The following DDX52 variants were observed in gnomAD, a reference collection of about 807,000 sequenced individuals.
The protein encoded by DDX52 is probable ATP-dependent RNA helicase DDX52.
In DDX52, 59 loss-of-function variants were observed where a neutral mutation model predicts 76.1. That is an observed-to-expected ratio of 0.78 (90% CI 0.63 to 0.96). The LOEUF (loss-of-function observed/expected upper bound fraction) is 0.96. Among genes scored for constraint, DDX52 ranks in the 40% least tolerant of loss-of-function variants. The probability of loss-of-function intolerance (pLI) is 0.00; values close to 1 mark genes in which losing one functional copy is unlikely to be tolerated. For missense variants in DDX52, 707 were observed against 703.9 expected (o/e 1.00, Z -0.05); for synonymous variants, 231 against 244.1 (o/e 0.95, Z 0.50).
intron 1 of DDX52, 34 bp from the exon 2 acceptor site, chr17:37,642,342 G>C (rs1259338281): frequency 6.3e-7 from 1 of 1,583,198 alleles, no homozygotes; most frequent in East Asian, 2.3e-5. Flanking sequence ...GAAACCTACT[G>C]ACAGAATACC....
At chr17:37,628,419 A>C in intron 6 of DDX52, 142 bp downstream of exon 6, 5 of 645,368 alleles carry the variant, frequency 7.7e-6, no homozygotes, top group Non-Finnish European at 1.3e-5. Flanking sequence ...TAGAGTGAGA[A>C]GGGGATCGCT....
At chr17:37,636,747 TAAG>T (rs887734048) in intron 2 of DDX52, among the ~76,000 whole-genome samples, 52 of 152,316 alleles carry the variant, frequency 3.4e-4, no homozygotes, top group African/African-American at 1.2e-3. Flanking sequence ...TAACTTGTTT[TAAG>T]AAGGAACAAG....
chr17:37,640,879 G>A (rs2031162205), intron 2 of DDX52, among the ~76,000 whole-genome samples: 1 of 151,940 alleles, frequency 6.6e-6, no homozygotes, highest in African/African-American at 2.4e-5. Context: ...AGCTACTCAG[G>A]AGCCTGAGGC....
In DDX52 at chr17:37,633,392, T is replaced by C. The variant is rs749852037; in HGVS notation, c.313A>G (p.Thr105Ala). The C allele has an allele frequency of 2.5e-6, 4 of 1,582,630 alleles. No individual in the cohort carries two copies. The highest frequency in any genetic ancestry group is 2.3e-5 in the East Asian group (1 of 44,078). Reference sequence around the variant, plus strand: ...TCTACAGATGACATCCACTGTATAGTAGCACCTTCTTCTTGGGAAGCAATT... The same window carrying C: ...TCTACAGATGACATCCACTGTATAGCAGCACCTTCTTCTTGGGAAGCAATT... ...SEIASQEEGA[T>A]IQWMSSVEAK... is the part of the protein sequence containing the mutation. The change falls in exon 3 of 15, where the codon ACT becomes GCT. Residue 105 changes from threonine (T) to alanine (A), a missense_variant. Transcript: ENST00000617633.
At chr17:37,618,600 G>A (rs1053943614) in intron 13 of DDX52, among the ~76,000 whole-genome samples, 2 of 152,016 alleles carry the variant, frequency 1.3e-5, no homozygotes, top group African/African-American at 2.4e-5. Flanking sequence ...TCCTGCCTCA[G>A]CTTCCCAAGT....
Position 37,621,108 on chromosome 17 carries a change from G to A in DDX52, c.1501+19C>T. ...AGATCAGTGGGTGACAGAGGGGAAGGAAAAAAAAGACAACTCACCTATCCT... is the reference window on the plus strand; with the variant it reads ...AGATCAGTGGGTGACAGAGGGGAAGAAAAAAAAAGACAACTCACCTATCCT... On this transcript the variant is annotated intron_variant, in intron 11 of 14. Coordinates refer to ENST00000617633, the MANE Select transcript of DDX52 (RefSeq NM_007010.5). The A allele has an allele frequency of 6.3e-7, 1 of 1,594,106 alleles. No individual in the cohort carries two copies. Among genetic ancestry groups the A allele is most frequent in the Non-Finnish European group, 8.5e-7 (1 of 1,171,554 alleles).
intron 2 of DDX52, among the ~76,000 whole-genome samples, chr17:37,633,720 T>C (rs1044023170): frequency 2.0e-5 from 3 of 151,418 alleles, no homozygotes; most frequent in African/African-American, 7.3e-5. Context: ...AGCCATACCT[T>C]CACACTAAAA....
At chr17:37,628,137 AT>A (rs1419621561) in intron 6 of DDX52, among the ~76,000 whole-genome samples, 1 of 152,118 alleles carries the variant, frequency 6.6e-6, no homozygotes, top group African/African-American at 2.4e-5. Flanking sequence ...CAGATTAAAA[AT>A]CAATGGTATA....
intron 2 of DDX52, among the ~76,000 whole-genome samples, chr17:37,640,749 A>G (rs1182108410): frequency 6.6e-6 from 1 of 150,498 alleles, no homozygotes; most frequent in African/African-American, 2.4e-5. Flanking sequence ...GCACTTTGGG[A>G]GGTCGAGGCG....
intron 7 of DDX52, 141 bp from the exon 8 acceptor site, chr17:37,626,239 AAT>A: frequency 1.2e-6 from 1 of 853,086 alleles, no homozygotes; most frequent in African/African-American, 1.7e-5. Flanking sequence ...AAAAAAAAAA[AAT>A]AAGAAACACA....
intron 2 of DDX52, chr17:37,635,572 T>C (rs1447910316): frequency 4.4e-6 from 2 of 455,178 alleles, no homozygotes; most frequent in Non-Finnish European, 8.8e-6. Flanking sequence ...TAGGTAGTAT[T>C]CCATTGTAAT....
At chr17:37,632,032 A>ATC in intron 4 of DDX52, 81 bp downstream of exon 4, 1 of 1,582,524 alleles carries the variant, frequency 6.3e-7, no homozygotes, top group South Asian at 1.1e-5. Flanking sequence ...GTGGAAAGAA[A>ATC]GAGTTCAAGA....
chr17:37,639,471 C>T (rs755294164), intron 2 of DDX52: 279 of 997,684 alleles, frequency 2.8e-4, no homozygotes, highest in Non-Finnish European at 3.2e-4. Context: ...GGCGTGGTGG[C>T]TCACATCTGT....
chr17:37,635,860 A>G (rs919100096), intron 2 of DDX52, among the ~76,000 whole-genome samples: 1 of 152,186 alleles, frequency 6.6e-6, no homozygotes, highest in African/African-American at 2.4e-5. Context: ...CATACTTGGT[A>G]TGGTCACTCT....
At chr17:37,634,360 G>A (rs968844653) in intron 2 of DDX52, among the ~76,000 whole-genome samples, 12 of 152,012 alleles carry the variant, frequency 7.9e-5, no homozygotes, top group African/African-American at 2.4e-4. Flanking sequence ...GGCCAGGTGC[G>A]GTGGCTCATG....
At chr17:37,627,896 T>C (rs1199627020) in intron 6 of DDX52, among the ~76,000 whole-genome samples, 1 of 151,950 alleles carries the variant, frequency 6.6e-6, no homozygotes, top group Non-Finnish European at 1.5e-5. Flanking sequence ...GACTCCCAAG[T>C]AGCTAGGACT....
In DDX52 at chr17:37,633,435, A is replaced by T. The variant is rs190316666; in HGVS notation, c.287-17T>A. The T allele has an allele frequency of 1.0e-5, 16 of 1,539,150 alleles. No homozygotes were observed. In the East Asian group the frequency reaches 2.3e-4, roughly 22 times the overall value. ...AAGCAATTTCTAAAATATATTTTTA[A>T]AAAGTAAAAGATTTTAACAGTCTAG... is the stretch of plus-strand genomic sequence containing the variant. On this transcript the variant is annotated splice_polypyrimidine_tract_variant and intron_variant, in intron 2 of 14. Coordinates refer to ENST00000617633, the MANE Select transcript of DDX52 (RefSeq NM_007010.5).
chr17:37,637,059 G>C (rs894625158), intron 2 of DDX52, among the ~76,000 whole-genome samples: 4 of 152,058 alleles, frequency 2.6e-5, no homozygotes, highest in Non-Finnish European at 5.9e-5. Flanking sequence ...CACACTCTTG[G>C]GCTAAAGCAA....
intron 8 of DDX52, among the ~76,000 whole-genome samples, chr17:37,625,505 T>A (rs867540098): frequency 1.3e-5 from 2 of 152,156 alleles, no homozygotes; most frequent in Non-Finnish European, 2.9e-5. Context: ...TTATTTAGCA[T>A]AAAATGCTCC....
Sources: gnomAD v4.1 joint callset for allele counts (sites outside exome capture counted in the v4.1 genomes callset) on GRCh38, gnomAD v4.1.1 for gene constraint, MANE v1.5 for transcripts, NCBI Gene and HGNC (gene_info 2026-07-23, HGNC 2026-07-21) for gene names.